The following TBL3 variants were observed in gnomAD, a reference collection of about 807,000 sequenced individuals.
TBL3 encodes transducin beta-like protein 3.
Under a neutral mutation model 102.7 loss-of-function variants are expected in TBL3, and 71 were observed. The observed-to-expected ratio is 0.69, with a 90% CI of 0.57 to 0.84. TBL3 has a LOEUF of 0.84. Ranked by LOEUF, TBL3 falls within the 40% of genes least tolerant of loss-of-function variation. TBL3 has a pLI of 0.00. For missense variants in TBL3, 1,188 were observed against 1,098.5 expected, an observed-to-expected ratio of 1.08 and a Z score of -1.15; for synonymous variants, 578 against 477.7, an observed-to-expected ratio of 1.21 and a Z score of -2.74.
intron 1 of TBL3, among the ~76,000 whole-genome samples, chr16:1,973,015 A>C (rs1473033018): frequency 6.6e-6 from 1 of 152,150 alleles, no homozygotes; most frequent in Non-Finnish European, 1.5e-5. Flanking sequence ...AGAAGGAAAG[A>C]AAGCAGAGGC....
At position 1,974,226 on chromosome 16, in the gene TBL3, C is replaced by T. The variant is rs779691093; in HGVS notation, c.123C>T (p.Cys41=). The change falls in exon 3 of 22, where the codon TGC becomes TGT. Residue 41 remains cysteine, a synonymous_variant. Coordinates refer to ENST00000568546, the MANE Select transcript of TBL3 (RefSeq NM_006453.3). Reference sequence around the variant, plus strand: ...ACCAGACTGGCCAGCACCTCTTCTGCGTCTGTGGCACCAGAGTCAACATTC... The same window carrying T: ...ACCAGACTGGCCAGCACCTCTTCTGTGTCTGTGGCACCAGAGTCAACATTC... ...QLDQTGQHLF[C]VCGTRVNILE... is the part of the protein sequence containing the mutation. 2.2e-5 allele frequency: 35 copies of T among 1,602,360 alleles called. No homozygotes were observed. Among genetic ancestry groups the T allele is most frequent in the Middle Eastern group, 3.3e-4 (2 of 6,016 alleles).
chr16:1,976,279 T>G lies in TBL3; in HGVS notation c.1257T>G (p.Gly419=), dbSNP rs752958373. ...TGATGTGCGTGGCTCAGGGTTCCGG[T>G]CACACACACAGTGTGGGCACCGTCT... The part of the protein sequence containing the change: ...GQVMCVAQGS[G]HTHSVGTVCC... The change falls in exon 13 of 22, where the codon GGT becomes GGG. Residue 419 remains glycine (G), a synonymous_variant. Coordinates refer to ENST00000568546, the MANE Select transcript of TBL3 (RefSeq NM_006453.3). The G allele has an allele frequency of 4.3e-6, 7 of 1,613,920 alleles. No individual in the cohort carries two copies. The highest frequency in any genetic ancestry group is 5.9e-6 in the Non-Finnish European group (7 of 1,179,940).
intron 21 of TBL3, 29 bp from the exon 22 acceptor site, chr16:1,978,523 C>G (rs1260263424): frequency 6.3e-7 from 1 of 1,590,750 alleles, no homozygotes; most frequent in African/African-American, 1.3e-5. Context: ...TGTGGACCAC[C>G]CCCCTGACCT....
chr16:1,974,790 G>C lies in TBL3; in HGVS notation c.407G>C (p.Trp136Ser), dbSNP rs1467893765. 1 of 1,613,210 alleles carries C rather than the reference G, an allele frequency of 6.2e-7. No homozygotes were observed. The highest frequency in any genetic ancestry group is 1.3e-5 in the African/African-American group (1 of 75,064). Residue 136 changes from tryptophan to serine, a missense_variant, in exon 6 of 22, where the codon TGG becomes TCG. Physicochemically the swap from Trp to Ser is radical, Grantham distance 177 (BLOSUM62 -3). Coordinates refer to ENST00000568546, the MANE Select transcript of TBL3 (RefSeq NM_006453.3). ...GGCTGTGATGGGGCCGTGCGCGTCTGGGACATCGTGCGGCACTACGGGACA... is the reference window on the plus strand; with the variant it reads ...GGCTGTGATGGGGCCGTGCGCGTCTCGGACATCGTGCGGCACTACGGGACA... ...TGGCDGAVRV[W>S]DIVRHYGTHH...
Position 1,975,603 on chromosome 16 carries a change from G to C in TBL3, c.880G>C (p.Glu294Gln), listed in dbSNP as rs8052713. 215,513 of 1,601,174 alleles carry C rather than the reference G, an allele frequency of 0.13. 16,615 individuals are homozygous for C. The highest frequency in any genetic ancestry group is 0.26 in the South Asian group (23,741 of 90,968). Residue 294 changes from glutamate (E) to glutamine (Q), a missense_variant, in exon 10 of 22, where the codon GAG (glutamate) becomes CAG (glutamine). Physicochemically the swap from Glu to Gln is conservative, Grantham distance 29. Transcript: ENST00000568546. ...TQAQPPGPGQ[E>Q]LTHCTLAHTA... ...GGCCCAGCCGCCGGGCCCTGGGCAG[G>C]AGCTGACCCACTGCACCCTGGCACA...
In TBL3 at chr16:1,979,964, G is replaced by A. The variant is rs1250257508; in HGVS notation, c.*1279G>A. ...AGGCTCCCTCGGGTCCAGGAGCAGA[G>A]GAGCAAATCCCTGGGTTCTTGGGGG... On this transcript the variant is annotated 3_prime_UTR_variant, in exon 22 of 22. Transcript: ENST00000568546. 2 of 1,580,406 alleles carry A rather than the reference G, an allele frequency of 1.3e-6. No homozygotes were observed. The highest frequency in any genetic ancestry group is 1.7e-6 in the Non-Finnish European group (2 of 1,162,660).
rs1339568172 is a variant in TBL3, at chr16:1,977,712, AGGCCCCATCTGACCCTAG to A, written c.1900-29_1900-12del. The A allele has an allele frequency of 6.4e-7, 1 of 1,551,940 alleles. No homozygotes were observed. The highest frequency in any genetic ancestry group is 8.7e-7 in the Non-Finnish European group (1 of 1,147,212). On this transcript the variant is annotated splice_polypyrimidine_tract_variant and intron_variant, in intron 17 of 21. Transcript: ENST00000568546. ...GCAGGGAAGAGTCGGGGTGGAGTGG[AGGCCCCATCTGACCCTAG>A]TCTAACCCCAGGATGTGACCGAGGC...
rs2083392550 is a variant in TBL3 at position 1,975,382 on chromosome 16, T to C, written c.749T>C (p.Val250Ala). Residue 250 changes from valine (V) to alanine (A), a missense_variant, in exon 9 of 22, where the codon GTG becomes GCG. Coordinates refer to ENST00000568546, the MANE Select transcript of TBL3 (RefSeq NM_006453.3). The part of the protein sequence containing the change: ...EAAVLLPEEP[V>A]SQLGVKSPGL... ...GCTGTGCTGTTGCCAGAGGAGCCAGTGTCCCAGCTGGGTGTGAAGTCCCCA... is the reference window on the plus strand; with the variant it reads ...GCTGTGCTGTTGCCAGAGGAGCCAGCGTCCCAGCTGGGTGTGAAGTCCCCA... 2.5e-6 allele frequency: 4 copies of C among 1,613,876 alleles called. No individual in the cohort carries two copies. The highest frequency in any genetic ancestry group is 2.2e-5 in the East Asian group (1 of 44,892).
intron 2 of TBL3, 38 bp downstream of exon 2, chr16:1,974,145 G>C (rs539417719): frequency 6.4e-7 from 1 of 1,566,334 alleles, no homozygotes; most frequent in East Asian, 2.3e-5. Flanking sequence ...CGGGCAGCCA[G>C]AGGCCGCGGG....
chr16:1,978,915 G>C lies in TBL3; in HGVS notation c.*230G>C. Reference sequence around the variant, plus strand: ...CGGCTCCGCACGCTTAGACGGTGGGGGTCATGCAGAACAAGCTTTACTCAG... The same window carrying C: ...CGGCTCCGCACGCTTAGACGGTGGGCGTCATGCAGAACAAGCTTTACTCAG... On this transcript the variant is annotated 3_prime_UTR_variant, in exon 22 of 22. Transcript: ENST00000568546. The C allele has an allele frequency of 9.1e-7, 1 of 1,104,616 alleles. No homozygotes were observed. Among genetic ancestry groups the C allele is most frequent in the Non-Finnish European group, 1.3e-6 (1 of 782,070 alleles). The allele number at this position is 1,104,616 out of a possible 1,614,324, so 68.4% of individuals were successfully genotyped here.
Position 1,979,878 on chromosome 16 carries a change from G to C in TBL3, c.*1193G>C. On this transcript the variant is annotated 3_prime_UTR_variant, in exon 22 of 22. Transcript: ENST00000568546. ...GCGCTGGAAACCAGGCGGTCTGCCG[G>C]TCTTCGTTCTCCACCAGCCACCAGC... is the stretch of plus-strand genomic sequence containing the variant. 1 of 1,582,534 alleles carries C rather than the reference G, an allele frequency of 6.3e-7. No homozygotes were observed. Among genetic ancestry groups the C allele is most frequent in the Non-Finnish European group, 8.6e-7 (1 of 1,165,606 alleles).
chr16:1,974,593 G>T lies in TBL3; in HGVS notation c.293G>T (p.Gly98Val). 1 of 1,611,246 alleles carries T rather than the reference G, an allele frequency of 6.2e-7. No individual in the cohort carries two copies. Among genetic ancestry groups the T allele is most frequent in the Non-Finnish European group, 8.5e-7 (1 of 1,178,534 alleles). Residue 98 changes from glycine to valine, a missense_variant, in exon 5 of 22, where the codon GGC becomes GTC. Gly to Val is a moderately radical substitution (Grantham distance 109). Transcript: ENST00000568546. ...LLLAQWAWQEGSVTRLWKAIH... is the reference protein window; with the variant it reads ...LLLAQWAWQEVSVTRLWKAIH... ...CTGGCTCAGTGGGCCTGGCAAGAGGGCAGCGTTACCCGCCTGTGGAAGGCG... is the reference window on the plus strand; with the variant it reads ...CTGGCTCAGTGGGCCTGGCAAGAGGTCAGCGTTACCCGCCTGTGGAAGGCG...
rs756293619 is a variant in TBL3 at position 1,977,412 on chromosome 16, G to A, written c.1728G>A (p.Thr576=). The change falls in exon 16 of 22, where the codon ACG becomes ACA. Residue 576 remains threonine (T), a synonymous_variant. Transcript: ENST00000568546. ...AGGTGGCCTTTGTGAGCCGTGGCAC[G>A]CAGCTGCTGTCCAGGTGAGTGGGCT... ...VLKVAFVSRG[T]QLLSSGSDGL... 22 of 1,612,568 alleles carry A rather than the reference G, an allele frequency of 1.4e-5. No homozygotes were observed. Among genetic ancestry groups the A allele is most frequent in the African/African-American group, 4.0e-5 (3 of 74,762 alleles).
rs1301116715 is a variant in TBL3, at chr16:1,980,089, C to G, written c.*1404C>G. 6.2e-7 allele frequency: 1 copy of G among 1,607,512 alleles called. No individual in the cohort carries two copies. Reference sequence around the variant, plus strand: ...GTCCTGGGTACAGAAGGGCTGCAGGCAGCGCAGGCTCTGAGCCTCCAGACT... The same window carrying G: ...GTCCTGGGTACAGAAGGGCTGCAGGGAGCGCAGGCTCTGAGCCTCCAGACT... On this transcript the variant is annotated 3_prime_UTR_variant, in exon 22 of 22. Transcript: ENST00000568546.
At position 1,979,965 on chromosome 16, in the gene TBL3, G is replaced by A; in HGVS notation, c.*1280G>A. The A allele has an allele frequency of 1.3e-6, 2 of 1,587,310 alleles. No homozygotes were observed. The highest frequency in any genetic ancestry group is 1.7e-6 in the Non-Finnish European group (2 of 1,167,496). On this transcript the variant is annotated 3_prime_UTR_variant, in exon 22 of 22. Coordinates refer to ENST00000568546, the MANE Select transcript of TBL3 (RefSeq NM_006453.3). ...GGCTCCCTCGGGTCCAGGAGCAGAG[G>A]AGCAAATCCCTGGGTTCTTGGGGGG...
In TBL3 at chr16:1,978,598, C is replaced by A. The variant is rs1195083498; in HGVS notation, c.2340C>A (p.Phe780Leu). The A allele has an allele frequency of 1.2e-6, 2 of 1,612,912 alleles. No homozygotes were observed. The highest frequency in any genetic ancestry group is 2.2e-5 in the East Asian group (1 of 44,872). Reference sequence around the variant, plus strand: ...GCAGGACCCTCCAGGCCGCCGCTTTCTTGGACTTCCTGTGGCACAACATGA... The same window carrying A: ...GCAGGACCCTCCAGGCCGCCGCTTTATTGGACTTCCTGTGGCACAACATGA... ...RLSRTLQAAAFLDFLWHNMKL... is the reference protein window; with the variant it reads ...RLSRTLQAAALLDFLWHNMKL... Residue 780 changes from phenylalanine (F) to leucine (L), a missense_variant, in exon 22 of 22, where the codon TTC becomes TTA. Physicochemically the swap from Phe to Leu is conservative, Grantham distance 22 (BLOSUM62 0). Coordinates refer to ENST00000568546, the MANE Select transcript of TBL3 (RefSeq NM_006453.3).
At position 1,978,748 on chromosome 16, in the gene TBL3, G is replaced by A; in HGVS notation, c.*63G>A. On this transcript the variant is annotated 3_prime_UTR_variant, in exon 22 of 22. Coordinates refer to ENST00000568546, the MANE Select transcript of TBL3 (RefSeq NM_006453.3). ...GAAAACCCATAAAGGCCGCTCTCCT[G>A]GCCGGCTCTGTCTCTCTGGACTGCA... is the stretch of plus-strand genomic sequence containing the variant. 1 of 1,563,936 alleles carries A rather than the reference G, an allele frequency of 6.4e-7. No homozygotes were observed. The highest frequency in any genetic ancestry group is 8.7e-7 in the Non-Finnish European group (1 of 1,149,576).
chr16:1,973,926 C>A, intron 1 of TBL3, 130 bp from the exon 2 acceptor site: 1 of 978,242 alleles, frequency 1.0e-6, no homozygotes, highest in Non-Finnish European at 1.4e-6. Flanking sequence ...CATGCCCTGT[C>A]CCTGCTGTTG....
chr16:1,973,484 A>G (rs1158554935), intron 1 of TBL3, among the ~76,000 whole-genome samples: 1 of 152,196 alleles, frequency 6.6e-6, no homozygotes, highest in African/African-American at 2.4e-5. Context: ...GGGTCCAGTG[A>G]AGAGGCCAGA....
Sources: gnomAD v4.1 joint callset for allele counts (sites outside exome capture counted in the v4.1 genomes callset) on GRCh38, gnomAD v4.1.1 for gene constraint, MANE v1.5 for transcripts, NCBI Gene and HGNC (gene_info 2026-07-23, HGNC 2026-07-21) for gene names.